Variants in SCRN2 observed in about 807,000 individuals in gnomAD.
SCRN2 encodes secernin 2, also known as secernin-2.
A neutral mutation model predicts 40.1 loss-of-function variants in SCRN2; 30 were observed. The ratio of observed to expected loss-of-function variants is 0.75; its 90% CI spans 0.56 to 1.01. The LOEUF is 1.01. Among genes scored for constraint, SCRN2 ranks in the 50% least tolerant of loss-of-function variants. The pLI, the probability that SCRN2 is intolerant of heterozygous loss-of-function variation, is 0.00. For synonymous variants in SCRN2, 240 were observed against 233.5 expected, an observed-to-expected ratio of 1.03 and a Z score of -0.25; for missense variants, 526 against 564.9, an observed-to-expected ratio of 0.93 and a Z score of 0.70.
chr17:47,840,277 C>T lies in SCRN2; in HGVS notation c.270G>A (p.Glu90=). 2 of 1,614,226 alleles carry T rather than the reference C, an allele frequency of 1.2e-6. No individual in the cohort carries two copies. Among genetic ancestry groups the T allele is most frequent in the South Asian group, 1.1e-5 (1 of 91,092 alleles). ...WLWGAEMGAN[E]HGVCIGNEAV... The stretch of plus-strand genomic sequence containing the variant: ...CCTCGTTGCCAATGCAGACACCATG[C>T]TCGTTGGCGCCCATCTCAGCCCCCC... The change falls in exon 3 of 8, where the codon GAG becomes GAA. Residue 90 remains glutamate (E), a synonymous_variant. Coordinates refer to ENST00000290216, the MANE Select transcript of SCRN2 (RefSeq NM_138355.4).
chr17:47,840,910 C>T (rs1299668682), intron 1 of SCRN2, 67 bp from the exon 2 acceptor site: 13 of 1,368,554 alleles, frequency 9.5e-6, no homozygotes, highest in Non-Finnish European at 1.2e-5. Context: ...CCTACCCCCA[C>T]ACGTGTAAAA....
At chr17:47,840,471 G>A (rs1567957413) in intron 2 of SCRN2, 99 bp from the exon 3 acceptor site, 1 of 1,385,084 alleles carries the variant, frequency 7.2e-7, no homozygotes, top group Admixed American at 2.1e-5. Context: ...TTTGAGGAAG[G>A]TCTCATTCCC....
At chr17:47,838,732 A>G in intron 5 of SCRN2, 36 bp from the exon 6 acceptor site, 7 of 1,610,882 alleles carry the variant, frequency 4.3e-6, no homozygotes, top group Non-Finnish European at 5.9e-6. Context: ...GTGGGAGGGG[A>G]GAGTGGCTGG....
At chr17:47,840,059 A>T (rs1366916641) in intron 3 of SCRN2, 132 bp downstream of exon 3, 1 of 907,710 alleles carries the variant, frequency 1.1e-6, no homozygotes, top group African/African-American at 1.7e-5. Context: ...TCACGAAGGC[A>T]CAAGGGCAAA....
chr17:47,837,922 G>GCC lies in SCRN2; in HGVS notation c.1198_1199dup (p.Glu401AlafsTer18). The GCC allele has an allele frequency of 6.2e-7, 1 of 1,604,764 alleles. No individual in the cohort carries two copies. Among genetic ancestry groups the GCC allele is most frequent in the Non-Finnish European group, 8.5e-7 (1 of 1,179,200 alleles). The stretch of plus-strand genomic sequence containing the variant: ...GCTCCCAGAGGGGTGGGGCCCACTC[G>GCC]CCGGCCAGCAGCCCCTGTGTGGCCT... On this transcript the variant is annotated frameshift_variant, in exon 8 of 8. Transcript: ENST00000290216. LOFTEE classifies it high-confidence loss of function.
In SCRN2 at chr17:47,838,285, C is replaced by T. The variant is rs751227060; in HGVS notation, c.1104G>A (p.Leu368=). Residue 368 remains leucine (L), a synonymous_variant, in exon 7 of 8, where the codon CTG becomes CTA. Coordinates refer to ENST00000290216, the MANE Select transcript of SCRN2 (RefSeq NM_138355.4). ...LYRGHQAALG[L]MERDQDRGQQ... ...TGGGGGATACCTGATCTCTCTCCAT[C>T]AGCCCCAGGGCTGCCTGGTGTCCAC... 2 of 1,594,050 alleles carry T rather than the reference C, an allele frequency of 1.3e-6. No homozygotes were observed. The highest frequency in any genetic ancestry group is 1.9e-5 in the Admixed American group (1 of 53,838).
Position 47,840,336 on chromosome 17 carries a change from GCGTCTT to G in SCRN2, c.205_210del (p.Lys69_Thr70del). 6.2e-7 allele frequency: 1 copy of G among 1,614,174 alleles called. No homozygotes were observed. The highest frequency in any genetic ancestry group is 8.5e-7 in the Non-Finnish European group (1 of 1,180,032). ...GAAGGACGGCTCAGAATCACAGCGT[GCGTCTT>G]CGACACCTGTTCCACTTCAATGTAG... On this transcript the variant is annotated inframe_deletion, in exon 3 of 8. Coordinates refer to ENST00000290216, the MANE Select transcript of SCRN2 (RefSeq NM_138355.4).
chr17:47,838,512 C>T lies in SCRN2; in HGVS notation c.938+19G>A. Reference sequence around the variant, plus strand: ...GATCCTCTCTTCTCCCCAGCCTTCCCCACCCTCATTCTTCCCACCTGGATG... The same window carrying T: ...GATCCTCTCTTCTCCCCAGCCTTCCTCACCCTCATTCTTCCCACCTGGATG... On this transcript the variant is annotated intron_variant, in intron 6 of 7. Transcript: ENST00000290216. 1 of 1,614,014 alleles carries T rather than the reference C, an allele frequency of 6.2e-7. No individual in the cohort carries two copies. The highest frequency in any genetic ancestry group is 8.5e-7 in the Non-Finnish European group (1 of 1,179,994).
rs2033804121 is a variant in SCRN2 at position 47,840,728 on chromosome 17, T to C, written c.116A>G (p.Glu39Gly). ...GGGGACAAACACCACCTCCTGCACC[T>C]CGTCCCGGGGTCGGTCCGAGTTCTT... ...FAKNSDRPRD[E>G]VQEVVFVPAG... The change falls in exon 2 of 8, where the codon GAG becomes GGG. Residue 39 changes from glutamate to glycine, a missense_variant. By Grantham distance (98) the Glu-to-Gly change is moderately conservative. Transcript: ENST00000290216. The C allele has an allele frequency of 1.2e-6, 2 of 1,602,654 alleles. No individual in the cohort carries two copies. The highest frequency in any genetic ancestry group is 1.7e-5 in the Admixed American group (1 of 58,060).
intron 7 of SCRN2, 130 bp from the exon 8 acceptor site, chr17:47,838,132 T>C: frequency 6.6e-7 from 1 of 1,523,146 alleles, no homozygotes; most frequent in Admixed American, 2.4e-5. Context: ...AGGCAGTTGC[T>C]GGCTTTGAAG....
At chr17:47,841,075 C>G (rs1190480683) in intron 1 of SCRN2, 133 bp downstream of exon 1, 3 of 410,678 alleles carry the variant, frequency 7.3e-6, no homozygotes, top group Non-Finnish European at 1.3e-5. Flanking sequence ...CTGGGAGTCC[C>G]GGCCCTTCGG....
Position 47,837,743 on chromosome 17 carries a change from T to C in SCRN2, c.*101A>G, listed in dbSNP as rs2033717919. The C allele has an allele frequency of 7.3e-7, 1 of 1,374,488 alleles. No homozygotes were observed. 85.1% of individuals were successfully genotyped at this position (1,374,488 alleles called of 1,614,324 possible). On this transcript the variant is annotated 3_prime_UTR_variant, in exon 8 of 8. Coordinates refer to ENST00000290216, the MANE Select transcript of SCRN2 (RefSeq NM_138355.4). ...AAGGCCAAGCTGGCCGCTCAGAACA[T>C]GGCCAAGGAGCGTGAAGGGATTGCT...
At position 47,838,595 on chromosome 17, in the gene SCRN2, C is replaced by G. The variant is rs1477658910; in HGVS notation, c.874G>C (p.Val292Leu). ...GGCTGCGTGGGATCCTGGGGCAGGA[C>G]AGACACCATGCTGGCCGTGGTGCGA... The part of the protein sequence containing the change: ...GFRTTASMVS[V>L]LPQDPTQPCV... Residue 292 changes from valine (V) to leucine (L), a missense_variant, in exon 6 of 8, where the codon GTC becomes CTC. Coordinates refer to ENST00000290216, the MANE Select transcript of SCRN2 (RefSeq NM_138355.4). 2 of 1,614,096 alleles carry G rather than the reference C, an allele frequency of 1.2e-6. No individual in the cohort carries two copies. The highest frequency in any genetic ancestry group is 1.7e-6 in the Non-Finnish European group (2 of 1,180,032).
In SCRN2 at chr17:47,837,922, G is replaced by A. The variant is rs148174869; in HGVS notation, c.1200C>T (p.Gly400=). The change falls in exon 8 of 8, where the codon GGC becomes GGT. Residue 400 remains glycine (G), a synonymous_variant. Transcript: ENST00000290216. ...GCTCCCAGAGGGGTGGGGCCCACTC[G>A]CCGGCCAGCAGCCCCTGTGTGGCCT... ...GLEATQGLLA[G]EWAPPLWELG... 2.1e-4 allele frequency: 332 copies of A among 1,604,766 alleles called. No homozygotes were observed. The highest frequency in any genetic ancestry group is 2.0e-3 in the African/African-American group (148 of 74,820).
chr17:47,840,053 G>T, intron 3 of SCRN2, 138 bp downstream of exon 3: 1 of 826,596 alleles, frequency 1.2e-6, no homozygotes, highest in Non-Finnish European at 1.9e-6. Flanking sequence ...CCTTCTTCAC[G>T]AAGGCACAAG....
Position 47,839,447 on chromosome 17 carries a change from G to C in SCRN2, c.553C>G (p.Gln185Glu). Residue 185 changes from glutamine (Q) to glutamate (E), a missense_variant, in exon 4 of 8, where the codon CAG becomes GAG. Coordinates refer to ENST00000290216, the MANE Select transcript of SCRN2 (RefSeq NM_138355.4). ...AGRLWAAQRIQEGARNISNQL... is the reference protein window; with the variant it reads ...AGRLWAAQRIEEGARNISNQL... ...TGGGAGAAAGGGAACACCTCACCCT[G>C]GATCCTCTGTGCAGCCCAGAGCCTC... 2 of 1,612,416 alleles carry C rather than the reference G, an allele frequency of 1.2e-6. No individual in the cohort carries two copies. The highest frequency in any genetic ancestry group is 1.1e-5 in the South Asian group (1 of 91,020).
chr17:47,837,809 C>G lies in SCRN2; in HGVS notation c.*35G>C. 6.4e-7 allele frequency: 1 copy of G among 1,562,716 alleles called. No individual in the cohort carries two copies. Among genetic ancestry groups the G allele is most frequent in the Non-Finnish European group, 8.6e-7 (1 of 1,165,318 alleles). On this transcript the variant is annotated 3_prime_UTR_variant, in exon 8 of 8. Coordinates refer to ENST00000290216, the MANE Select transcript of SCRN2 (RefSeq NM_138355.4). ...TCAGGGCACCCAGGCCCCAGGGGTCCTGGGTCCACCCCAGGCCAGCAGAAG... is the reference window on the plus strand; with the variant it reads ...TCAGGGCACCCAGGCCCCAGGGGTCGTGGGTCCACCCCAGGCCAGCAGAAG...
At position 47,838,400 on chromosome 17, in the gene SCRN2, T is replaced by C. The variant is rs34480825; in HGVS notation, c.989A>G (p.Gln330Arg). The C allele has an allele frequency of 0.023, 37,324 of 1,609,942 alleles. 580 individuals are homozygous for C. Among genetic ancestry groups the C allele is most frequent in the Middle Eastern group, 0.032 (191 of 6,022 alleles). ...TGCTCCAAAAGTGGGGGACAGCACCTGGGGGGCCTGGGCCACCCCCATCCC... is the reference window on the plus strand; with the variant it reads ...TGCTCCAAAAGTGGGGGACAGCACCCGGGGGGCCTGGGCCACCCCCATCCC... ...IFGMGVAQAP[Q>R]VLSPTFGAQD... The change falls in exon 7 of 8, where the codon CAG becomes CGG. Residue 330 changes from glutamine to arginine, a missense_variant. Transcript: ENST00000290216.
intron 1 of SCRN2, 83 bp from the exon 2 acceptor site, chr17:47,840,926 G>T (rs776616139): frequency 3.1e-6 from 4 of 1,291,110 alleles, no homozygotes; most frequent in African/African-American, 1.5e-5. Flanking sequence ...TAAAAGACGC[G>T]CAAGGAAGAC....
Sources: allele counts gnomAD v4.1 joint callset, GRCh38; gene constraint gnomAD v4.1.1; transcripts MANE v1.5; gene names NCBI Gene and HGNC (gene_info 2026-07-23, HGNC 2026-07-21).